LRRC40: variants seen among roughly 807,000 people sequenced by gnomAD.
The protein encoded by LRRC40 is leucine-rich repeat-containing protein 40.
LRRC40 carries 76 observed loss-of-function variants against 72.8 expected under a neutral mutation model. The ratio of observed to expected loss-of-function variants is 1.04; its 90% CI spans 0.87 to 1.26. LRRC40 has a LOEUF of 1.26. Among genes scored for constraint, LRRC40 ranks in the 50% most tolerant of loss-of-function variants. The pLI, the probability that LRRC40 is intolerant of heterozygous loss-of-function variation, is 0.00. For synonymous variants in LRRC40, 243 were observed against 254.2 expected (o/e 0.96, Z 0.42); for missense variants, 684 against 698.9 (o/e 0.98, Z 0.24).
intron 1 of LRRC40, among the ~76,000 whole-genome samples, chr1:70,194,704 A>G (rs1289984983): frequency 6.6e-6 from 1 of 152,114 alleles, no homozygotes; most frequent in Non-Finnish European, 1.5e-5. Flanking sequence ...TTTCTGTAGA[A>G]ATTAACAAGC....
intron 1 of LRRC40, among the ~76,000 whole-genome samples, chr1:70,203,200 T>C (rs1386860152): frequency 2.0e-5 from 3 of 152,062 alleles, no homozygotes; most frequent in Non-Finnish European, 4.4e-5. Flanking sequence ...TATCAAAGTA[T>C]AGGATACTGA....
At chr1:70,150,667 T>A (rs574954696) in intron 13 of LRRC40, among the ~76,000 whole-genome samples, 2 of 152,212 alleles carry the variant, frequency 1.3e-5, no homozygotes, top group Admixed American at 6.5e-5. Flanking sequence ...CCAAAGCACA[T>A]TGAACTTCTT....
Position 70,205,463 on chromosome 1 carries a change from CGAGG to C in LRRC40, c.74_77del (p.Thr25ArgfsTer7). 1 of 1,610,116 alleles carries C rather than the reference CGAGG, an allele frequency of 6.2e-7. No homozygotes were observed. Among genetic ancestry groups the C allele is most frequent in the Non-Finnish European group, 8.5e-7 (1 of 1,176,782 alleles). On this transcript the variant is annotated frameshift_variant, in exon 1 of 15. Transcript: ENST00000370952. LOFTEE classifies it high-confidence loss of function. ...CTGCCTTCAACAGCCCTTGGGGTACCGAGGTACCGCAGTCTCTTCCACCTGCTTT... is the reference window on the plus strand; with the variant it reads ...CTGCCTTCAACAGCCCTTGGGGTACCTACCGCAGTCTCTTCCACCTGCTTT...
chr1:70,176,852 A>G (rs1247318174), intron 6 of LRRC40, among the ~76,000 whole-genome samples: 1 of 152,240 alleles, frequency 6.6e-6, no homozygotes, highest in East Asian at 1.9e-4. Flanking sequence ...TGCATTTAAT[A>G]TATGTAGATA....
Position 70,192,245 on chromosome 1 carries a change from G to A in LRRC40, c.152-2972C>T, listed in dbSNP as rs192493590. On this transcript the variant is annotated intron_variant, in intron 1 of 14. Coordinates refer to ENST00000370952, the MANE Select transcript of LRRC40 (RefSeq NM_017768.5). ...TTTTGCAGCATCTGTGAATGAGATT[G>A]TCTTCCTGATTTGGCCCTCTGCTTG... is the stretch of plus-strand genomic sequence containing the variant. 1.1e-3 allele frequency among the ~76,000 whole-genome samples: 174 copies of A among 152,110 alleles called. 2 individuals carry two copies. Among genetic ancestry groups the A allele is most frequent in the Non-Finnish European group, 3.4e-4 (23 of 67,958 alleles).
chr1:70,164,991 C>G (rs974451643), intron 9 of LRRC40, among the ~76,000 whole-genome samples: 8 of 152,086 alleles, frequency 5.3e-5, no homozygotes, highest in African/African-American at 1.9e-4. Flanking sequence ...TAGGGTAATT[C>G]CACACAATGC....
At chr1:70,166,981 A>T (rs1395072700) in intron 9 of LRRC40, among the ~76,000 whole-genome samples, 2 of 152,106 alleles carry the variant, frequency 1.3e-5, no homozygotes, top group African/African-American at 4.8e-5. Context: ...AAGATAAAAG[A>T]GCTATGAAAA....
rs894451007 is a variant in LRRC40 at position 70,145,353 on chromosome 1, A to G, written c.*447T>C. 2 of 152,240 alleles carry G rather than the reference A, an allele frequency of 1.3e-5. No individual in the cohort carries two copies. Among genetic ancestry groups the G allele is most frequent in the African/African-American group, 4.8e-5 (2 of 41,462 alleles). The allele number at this position is 152,240 out of a possible 1,614,324, so 9.4% of individuals were successfully genotyped here. A position where few individuals can be genotyped will look rare whatever the true frequency, so the allele number is the denominator to read the frequency against. ...TCTAACAAAAACATAGAAACTGGCTAGTCATATTCAAGTCAATTGGTCACA... is the reference window on the plus strand; with the variant it reads ...TCTAACAAAAACATAGAAACTGGCTGGTCATATTCAAGTCAATTGGTCACA... On this transcript the variant is annotated 3_prime_UTR_variant, in exon 15 of 15. Transcript: ENST00000370952.
At chr1:70,199,219 A>ACACACACACG (rs773795329) in intron 1 of LRRC40, among the ~76,000 whole-genome samples, 21 of 117,772 alleles carry the variant, frequency 1.8e-4, no homozygotes, top group Non-Finnish European at 4.1e-4. Flanking sequence ...ATAGTCTCAC[A>ACACACACACG]CACACACACA....
chr1:70,181,005 T>C (rs1276209514), intron 5 of LRRC40, 81 bp downstream of exon 5: 1 of 1,048,378 alleles, frequency 9.5e-7, no homozygotes, highest in Non-Finnish European at 1.3e-6. Context: ...TAGTTCTCTG[T>C]AACTATATTA....
Position 70,148,440 on chromosome 1 carries a change from C to A in LRRC40, c.1703+47G>T, listed in dbSNP as rs748823843. 4 of 1,367,406 alleles carry A rather than the reference C, an allele frequency of 2.9e-6. No individual in the cohort carries two copies. The East Asian group carries it at 7.1e-5, about 24-fold the overall frequency. The allele number at this position is 1,367,406 out of a possible 1,614,324, so 84.7% of individuals were successfully genotyped here. A position where few individuals can be genotyped will look rare whatever the true frequency, so the allele number is the denominator to read the frequency against. On this transcript the variant is annotated intron_variant, in intron 14 of 14. Coordinates refer to ENST00000370952, the MANE Select transcript of LRRC40 (RefSeq NM_017768.5). ...GAAAAAGAAAAACAAATCACTTCAA[C>A]AAATCAATAAAATAAATGAAACAAT...
At position 70,151,178 on chromosome 1, in the gene LRRC40, T is replaced by C; in HGVS notation, c.1467A>G (p.Glu489=). 1.9e-6 allele frequency: 3 copies of C among 1,591,010 alleles called. No individual in the cohort carries two copies. Among genetic ancestry groups the C allele is most frequent in the Non-Finnish European group, 2.6e-6 (3 of 1,160,926 alleles). Residue 489 remains glutamate (E), a synonymous_variant, in exon 13 of 15, where the codon GAA becomes GAG. Coordinates refer to ENST00000370952, the MANE Select transcript of LRRC40 (RefSeq NM_017768.5). ...GCAGTCTTACCAGTGATTCCATTTCTTCTGGCAAAGAATTTAAAAAATTGT... is the reference window on the plus strand; with the variant it reads ...GCAGTCTTACCAGTGATTCCATTTCCTCTGGCAAAGAATTTAAAAAATTGT... ...LRNNFLNSLP[E]EMESLVRLQT... is the part of the protein sequence containing the mutation.
At chr1:70,157,315 A>C (rs920891990) in intron 10 of LRRC40, among the ~76,000 whole-genome samples, 4 of 152,182 alleles carry the variant, frequency 2.6e-5, no homozygotes, top group Non-Finnish European at 5.9e-5. Flanking sequence ...AGTCAGACTT[A>C]AAAGATTCAT....
At chr1:70,175,731 G>GT in intron 7 of LRRC40, 79 bp downstream of exon 7, 1 of 1,100,346 alleles carries the variant, frequency 9.1e-7, no homozygotes, top group Non-Finnish European at 1.3e-6. Context: ...GAACCTCTTG[G>GT]TTTTTTAACA....
In LRRC40 at chr1:70,145,815, G is replaced by A; in HGVS notation, c.1794C>T (p.Asp598=). 1.3e-6 allele frequency: 2 copies of A among 1,594,594 alleles called. No individual in the cohort carries two copies. Among genetic ancestry groups the A allele is most frequent in the Non-Finnish European group, 1.7e-6 (2 of 1,163,378 alleles). The change falls in exon 15 of 15, where the codon GAC becomes GAT. Residue 598 remains aspartate (D), a synonymous_variant. Coordinates refer to ENST00000370952, the MANE Select transcript of LRRC40 (RefSeq NM_017768.5). The part of the protein sequence containing the change: ...GTAAILEYLR[D]RIPT ...CAACTCCATGTTAAGTAGGAATTCG[G>A]TCTCTCAAATATTCAAGTATAGCAG...
Position 70,159,441 on chromosome 1 carries a change from G to A in LRRC40, c.1112-3C>T, listed in dbSNP as rs1362212640. 4 of 1,463,650 alleles carry A rather than the reference G, an allele frequency of 2.7e-6. No homozygotes were observed. Among genetic ancestry groups the A allele is most frequent in the Admixed American group, 1.8e-5 (1 of 56,330 alleles). 90.7% of individuals were successfully genotyped at this position (1,463,650 alleles called of 1,614,324 possible). A position where few individuals can be genotyped will look rare whatever the true frequency, so the allele number is the denominator to read the frequency against. ...CTCACTTTGGCTAGGTCCATCATCT[G>A]GCAAAAGAAAACTTATATGAAGCCA... On this transcript the variant is annotated splice_region_variant and splice_polypyrimidine_tract_variant and intron_variant, in intron 9 of 14. Coordinates refer to ENST00000370952, the MANE Select transcript of LRRC40 (RefSeq NM_017768.5).
intron 11 of LRRC40, 78 bp downstream of exon 11, chr1:70,155,611 G>C (rs904128768): frequency 1.8e-5 from 11 of 602,308 alleles, no homozygotes; most frequent in Admixed American, 1.8e-4. Context: ...AACCAATATG[G>C]AAAAACCAAT....
chr1:70,184,958 C>G, intron 3 of LRRC40, 44 bp from the exon 4 acceptor site: 1 of 1,476,608 alleles, frequency 6.8e-7, no homozygotes, highest in Non-Finnish European at 9.3e-7. Context: ...AGTGGCAATA[C>G]AATAAATATT....
At chr1:70,187,792 C>T (rs2100325974) in intron 2 of LRRC40, among the ~76,000 whole-genome samples, 1 of 149,802 alleles carries the variant, frequency 6.7e-6, no homozygotes, top group African/African-American at 2.5e-5. Flanking sequence ...CATTGTGCCA[C>T]TGCACTCCAG....
Sources: gnomAD v4.1 joint callset for allele counts (sites outside exome capture counted in the v4.1 genomes callset) on GRCh38, gnomAD v4.1.1 for gene constraint, MANE v1.5 for transcripts, NCBI Gene and HGNC (gene_info 2026-07-23, HGNC 2026-07-21) for gene names.